GALNT13: variants seen among roughly 807,000 people sequenced by gnomAD.
GALNT13 encodes the protein polypeptide N-acetylgalactosaminyltransferase 13, also known as UDP-GalNAc:polypeptide N-acetylgalactosaminyltransferase 13.
GALNT13 carries 28 observed loss-of-function variants against 64.2 expected under a neutral mutation model. That is an observed-to-expected ratio of 0.44 (90% CI 0.32 to 0.60). The LOEUF (loss-of-function observed/expected upper bound fraction) is 0.60, where lower values mean the gene tolerates loss of function less well. GALNT13 is among the 20% of genes least tolerant of loss of function. The pLI, the probability that GALNT13 is intolerant of heterozygous loss-of-function variation, is 0.05. For missense variants in GALNT13, 577 were observed against 669.8 expected (o/e 0.86, Z 1.53); for synonymous variants, 214 against 224.6 (o/e 0.95, Z 0.42).
At chr2:153,628,532 T>G in the GALNT13 span, among the ~76,000 whole-genome samples, 1 of 151,688 alleles carries the variant, frequency 6.6e-6, no homozygotes, top group Non-Finnish European at 1.5e-5. Flanking sequence ...CAATACCTAA[T>G]TTATTGAGAG....
the GALNT13 span, among the ~76,000 whole-genome samples, chr2:153,771,943 C>T: frequency 1.3e-5 from 2 of 152,142 alleles, no homozygotes; most frequent in Non-Finnish European, 2.9e-5. Flanking sequence ...CCCTGGTTGA[C>T]CAAGGGAGCA....
the GALNT13 span, among the ~76,000 whole-genome samples, chr2:153,825,608 CTGTGTGTGTGTGTGTGTGTGTGTG>C: frequency 7.4e-6 from 1 of 134,774 alleles, no homozygotes; most frequent in Non-Finnish European, 1.6e-5. Flanking sequence ...TCCATGAGTG[CTGTGTGTGTGTGTGTGTGTGTGTG>C]TGTGTGTGTG....
intron 2 of GALNT13, among the ~76,000 whole-genome samples, chr2:153,932,859 C>A (rs1690632984): frequency 6.6e-6 from 1 of 152,038 alleles, no homozygotes; most frequent in South Asian, 2.1e-4. Flanking sequence ...AACTCCTGAC[C>A]TCAGGTGGTC....
At chr2:154,098,231 T>A (rs1180818142) in intron 3 of GALNT13, among the ~76,000 whole-genome samples, 1 of 151,954 alleles carries the variant, frequency 6.6e-6, no homozygotes, top group East Asian at 1.9e-4. Flanking sequence ...TAATTCAGAT[T>A]TGGCACATGG....
At chr2:153,478,691 G>A in the GALNT13 span, 2 of 774,598 alleles carry the variant, frequency 2.6e-6, no homozygotes, top group African/African-American at 3.6e-5. Flanking sequence ...TCCTCGCTCT[G>A]CTTTCGAAAG....
chr2:153,385,123 TGG>T, the GALNT13 span, among the ~76,000 whole-genome samples: 1 of 152,098 alleles, frequency 6.6e-6, no homozygotes, highest in South Asian at 2.1e-4. Context: ...GAGAATAGTT[TGG>T]AGGTTCCTCA....
At chr2:153,646,713 T>G in the GALNT13 span, among the ~76,000 whole-genome samples, 1 of 152,086 alleles carries the variant, frequency 6.6e-6, no homozygotes, top group African/African-American at 2.4e-5. Context: ...ATATGCGGTG[T>G]TTGGTTTTTT....
At chr2:153,258,368 C>CAAAAACA in the GALNT13 span, among the ~76,000 whole-genome samples, 2 of 51,678 alleles carry the variant, frequency 3.9e-5, no homozygotes, top group African/African-American at 1.2e-4. Context: ...TCTGGTCTCC[C>CAAAAACA]AAAAACAAAA....
chr2:154,165,614 G>T (rs955577741), intron 4 of GALNT13, among the ~76,000 whole-genome samples: 2 of 152,014 alleles, frequency 1.3e-5, no homozygotes, highest in Non-Finnish European at 2.9e-5. Context: ...TAGAATTCTT[G>T]CAATTTAACT....
intron 4 of GALNT13, among the ~76,000 whole-genome samples, chr2:154,144,626 G>A (rs1042744224): frequency 6.6e-6 from 1 of 151,918 alleles, no homozygotes; most frequent in South Asian, 2.1e-4. Flanking sequence ...AAACTATTTT[G>A]GCTAAATTCA....
chr2:154,238,807 C>A (rs1233226194), intron 4 of GALNT13, among the ~76,000 whole-genome samples: 1 of 151,966 alleles, frequency 6.6e-6, no homozygotes, highest in East Asian at 1.9e-4. Context: ...GTTAACACGT[C>A]TGCCAGCTCA....
chr2:153,808,076 C>T, the GALNT13 span, among the ~76,000 whole-genome samples: 1 of 152,104 alleles, frequency 6.6e-6, no homozygotes, highest in Admixed American at 6.5e-5. Flanking sequence ...AAAGTCAATG[C>T]AATAGCCCAA....
At chr2:153,869,522 T>C (rs1429502908), upstream of GALNT13, among the ~76,000 whole-genome samples, 1 of 152,188 alleles carries the variant, frequency 6.6e-6, no homozygotes, top group African/African-American at 2.4e-5. Flanking sequence ...TGCTTTCTCG[T>C]GATTGCATTC....
chr2:154,042,849 C>T (rs1265270834), intron 3 of GALNT13, among the ~76,000 whole-genome samples: 1 of 151,768 alleles, frequency 6.6e-6, no homozygotes. Context: ...GTTCCAGAGA[C>T]ATACTGTTTG....
At chr2:153,863,421 G>T in the GALNT13 span, among the ~76,000 whole-genome samples, 1 of 152,092 alleles carries the variant, frequency 6.6e-6, no homozygotes, top group Non-Finnish European at 1.5e-5. Flanking sequence ...TAACCTATCT[G>T]TTGGATAAAA....
the GALNT13 span, among the ~76,000 whole-genome samples, chr2:153,539,748 C>G: frequency 6.6e-6 from 1 of 150,984 alleles, no homozygotes; most frequent in Admixed American, 6.6e-5. Flanking sequence ...TTCCATTGAT[C>G]TGTATCTCTG....
chr2:153,196,327 C>T, the GALNT13 span, among the ~76,000 whole-genome samples: 1 of 152,010 alleles, frequency 6.6e-6, no homozygotes, highest in East Asian at 1.9e-4. Context: ...CCCCTGTATG[C>T]TTGTCAGTGC....
chr2:153,532,417 A>G, the GALNT13 span, among the ~76,000 whole-genome samples: 1 of 152,104 alleles, frequency 6.6e-6, no homozygotes, highest in Non-Finnish European at 1.5e-5. Flanking sequence ...GACACAAAAG[A>G]TCATGCTTCT....
the GALNT13 span, among the ~76,000 whole-genome samples, chr2:153,250,018 G>A: frequency 1.3e-5 from 2 of 152,094 alleles, no homozygotes; most frequent in Non-Finnish European, 2.9e-5. Context: ...AACTGCAACA[G>A]AAGCTAAAAT....
Sources: gnomAD v4.1 joint callset for allele counts (sites outside exome capture counted in the v4.1 genomes callset) on GRCh38, gnomAD v4.1.1 for gene constraint, MANE v1.5 for transcripts, NCBI Gene and HGNC (gene_info 2026-07-23, HGNC 2026-07-21) for gene names.